SDK1: variants seen among roughly 807,000 people sequenced by gnomAD.
The protein encoded by SDK1 is protein sidekick-1.
A neutral mutation model predicts 245.5 loss-of-function variants in SDK1; 157 were observed. The ratio of observed to expected loss-of-function variants is 0.64; its 90% confidence interval spans 0.56 to 0.73. The LOEUF is 0.73. Ranked by LOEUF, SDK1 falls within the 30% of genes least tolerant of loss-of-function variation. The pLI, the probability that SDK1 is intolerant of heterozygous loss-of-function variation, is 0.00. For missense variants in SDK1, 3,583 were observed against 3,002.3 expected (o/e 1.19, Z -4.52); for synonymous variants, 1,647 against 1,278.5 (o/e 1.29, Z -6.15).
At chr7:4,203,501 C>G (rs1031119161) in intron 35 of SDK1, among the ~76,000 whole-genome samples, 2 of 150,224 alleles carry the variant, frequency 1.3e-5, no homozygotes, top group African/African-American at 5.0e-5. Context: ...GTCTAAAATG[C>G]TTTTTAAAAA....
intron 4 of SDK1, among the ~76,000 whole-genome samples, chr7:3,750,604 G>A (rs1413258194): frequency 6.6e-6 from 1 of 152,184 alleles, no homozygotes; most frequent in Non-Finnish European, 1.5e-5. Flanking sequence ...GGAGTAGTGT[G>A]GGGGTCAGCG....
At chr7:3,687,056 A>AAC (rs200034994) in intron 4 of SDK1, among the ~76,000 whole-genome samples, 30,727 of 134,890 alleles carry the variant, frequency 0.23, 3,802 homozygotes, top group Non-Finnish European at 0.29. Flanking sequence ...ATAGCATCAA[A>AAC]ACACACACAC....
intron 41 of SDK1, among the ~76,000 whole-genome samples, chr7:4,235,251 G>A (rs948023610): frequency 9.2e-5 from 14 of 152,106 alleles, no homozygotes; most frequent in Non-Finnish European, 1.6e-4. Flanking sequence ...TGCAACCTCC[G>A]TCTCCCGGGT....
At chr7:4,141,463 G>C (rs929280283) in intron 28 of SDK1, among the ~76,000 whole-genome samples, 2 of 152,188 alleles carry the variant, frequency 1.3e-5, no homozygotes, top group African/African-American at 4.8e-5. Flanking sequence ...AAACAATAAT[G>C]AAAACACGTC....
intron 40 of SDK1, among the ~76,000 whole-genome samples, chr7:4,229,600 A>C: frequency 6.6e-6 from 1 of 152,210 alleles, no homozygotes; most frequent in Admixed American, 6.5e-5. Flanking sequence ...CCTCAGGAGC[A>C]GGAAAGCATT....
intron 11 of SDK1, among the ~76,000 whole-genome samples, chr7:3,969,691 A>G (rs1782335026): frequency 6.6e-6 from 1 of 152,238 alleles, no homozygotes; most frequent in Admixed American, 6.5e-5. Flanking sequence ...GAGATATTAC[A>G]CAAAACTAGC....
intron 1 of SDK1, among the ~76,000 whole-genome samples, chr7:3,366,993 G>A (rs1412402649): frequency 6.6e-6 from 1 of 152,112 alleles, no homozygotes; most frequent in Non-Finnish European, 1.5e-5. Context: ...ACCTGCCTCA[G>A]CCTCCCAAAG....
intron 4 of SDK1, among the ~76,000 whole-genome samples, chr7:3,670,936 A>G (rs1230633536): frequency 6.6e-6 from 1 of 152,214 alleles, no homozygotes; most frequent in East Asian, 1.9e-4. Context: ...CTACAAGGAC[A>G]GGTCGTCTAT....
intron 1 of SDK1, among the ~76,000 whole-genome samples, chr7:3,471,507 G>C (rs925620376): frequency 1.3e-5 from 2 of 152,016 alleles, no homozygotes; most frequent in Non-Finnish European, 2.9e-5. Context: ...GCTAATTAAG[G>C]AGTCATTAAT....
At chr7:3,999,830 C>G (rs940212216) in intron 14 of SDK1, among the ~76,000 whole-genome samples, 1 of 152,156 alleles carries the variant, frequency 6.6e-6, no homozygotes, top group African/African-American at 2.4e-5. Context: ...TTATCTCCCC[C>G]CACCATGAGG....
At chr7:3,789,726 C>T (rs867795995) in intron 4 of SDK1, among the ~76,000 whole-genome samples, 2 of 152,052 alleles carry the variant, frequency 1.3e-5, no homozygotes, top group African/African-American at 2.4e-5. Flanking sequence ...GTGTGAGGTA[C>T]GAGGGAAAAG....
intron 1 of SDK1, among the ~76,000 whole-genome samples, chr7:3,586,541 CAA>C (rs113602540): frequency 2.2e-5 from 3 of 133,528 alleles, no homozygotes; most frequent in Admixed American, 7.4e-5. Context: ...ACAAAAAATA[CAA>C]AAAAAAAAAA....
intron 27 of SDK1, 144 bp downstream of exon 27, chr7:4,130,241 T>TTG: frequency 1.1e-6 from 1 of 929,442 alleles, no homozygotes; most frequent in Non-Finnish European, 1.6e-6. Flanking sequence ...CAAAATTGTT[T>TTG]TTCAGTCACT....
At chr7:3,360,461 A>G (rs1366574891) in intron 1 of SDK1, among the ~76,000 whole-genome samples, 2 of 152,184 alleles carry the variant, frequency 1.3e-5, no homozygotes, top group Non-Finnish European at 2.9e-5. Context: ...TTATAATGTT[A>G]TTGAAGTGTT....
intron 43 of SDK1, among the ~76,000 whole-genome samples, chr7:4,242,799 G>A (rs983571516): frequency 3.3e-5 from 5 of 152,174 alleles, no homozygotes; most frequent in Non-Finnish European, 7.3e-5. Flanking sequence ...TTACAAAGCT[G>A]CAGGGGCCAG....
intron 4 of SDK1, among the ~76,000 whole-genome samples, chr7:3,792,120 C>A (rs114343109): frequency 2.0e-5 from 3 of 151,910 alleles, no homozygotes; most frequent in African/African-American, 7.3e-5. Context: ...AGGACGAGAC[C>A]CCCTTCCTAA....
intron 1 of SDK1, among the ~76,000 whole-genome samples, chr7:3,463,349 CATGAATGAATGA>C (rs58081155): frequency 3.0e-4 from 46 of 151,860 alleles, no homozygotes; most frequent in African/African-American, 1.1e-3. Flanking sequence ...CTCACATATT[CATGAATGAATGA>C]ATGAATGAAT....
At chr7:3,320,681 C>G (rs1211741100) in intron 1 of SDK1, among the ~76,000 whole-genome samples, 1 of 152,104 alleles carries the variant, frequency 6.6e-6, no homozygotes, top group Admixed American at 6.5e-5. Context: ...CATGGCCATC[C>G]CAGAATAAGT....
chr7:3,835,334 G>T (rs1780006460), intron 5 of SDK1, among the ~76,000 whole-genome samples: 1 of 152,122 alleles, frequency 6.6e-6, no homozygotes, highest in African/African-American at 2.4e-5. Context: ...GCTGGTTGCG[G>T]GCGTCCCTCT....
Sources: gnomAD v4.1 joint callset for allele counts (sites outside exome capture counted in the v4.1 genomes callset) on GRCh38, gnomAD v4.1.1 for gene constraint, MANE v1.5 for transcripts, NCBI Gene and HGNC (gene_info 2026-07-23, HGNC 2026-07-21) for gene names.